SUGT1: variants seen among roughly 807,000 people sequenced by gnomAD.
SUGT1 encodes the protein SGT1 assembly cochaperone of MIS12 kinetochore complex.
A neutral mutation model predicts 56.1 loss-of-function variants in SUGT1; 15 were observed. That is an observed-to-expected ratio of 0.27 (90% CI 0.18 to 0.41). The LOEUF is 0.41. Among genes scored for constraint, SUGT1 ranks in the 10% least tolerant of loss-of-function variants. SUGT1 has a pLI of 1.00. For synonymous variants in SUGT1, 123 were observed against 128.6 expected, an observed-to-expected ratio of 0.96 and a Z score of 0.30; for missense variants, 347 against 382.2, an observed-to-expected ratio of 0.91 and a Z score of 0.77.
intron 2 of SUGT1, among the ~76,000 whole-genome samples, chr13:52,653,618 G>C (rs1407409197): frequency 6.6e-6 from 1 of 152,066 alleles, no homozygotes. Flanking sequence ...GAGTGGCTGT[G>C]TGCAAAGGCG....
intron 11 of SUGT1, among the ~76,000 whole-genome samples, chr13:52,677,620 C>T (rs952052368): frequency 1.1e-4 from 16 of 152,178 alleles, no homozygotes; most frequent in African/African-American, 3.6e-4. Flanking sequence ...TTTGCAGGCT[C>T]AGAAAAGTTA....
intron 6 of SUGT1, 30 bp downstream of exon 6, chr13:52,662,732 A>C (rs1255756150): frequency 1.9e-6 from 3 of 1,598,612 alleles, no homozygotes; most frequent in South Asian, 2.3e-5. Flanking sequence ...TATTTGTTTC[A>C]ATTTAAAAAG....
chr13:52,684,692 A>AT (rs987082716), intron 12 of SUGT1, among the ~76,000 whole-genome samples: 259 of 150,414 alleles, frequency 1.7e-3, no homozygotes, highest in African/African-American at 5.6e-3. Flanking sequence ...TTCTCAGTTA[A>AT]TTTTTTTTTA....
At position 52,696,828 on chromosome 13, in the gene SUGT1, C is replaced by T. The variant is rs1031843420; in HGVS notation, c.*8993C>T. ...TTTAATTTTTAAGTAGGTTTTTAAC[C>T]CACAGCCACGAGAGCTAATTTTAAC... On this transcript the variant is annotated 3_prime_UTR_variant, in exon 13 of 13. Coordinates refer to ENST00000310528, the MANE Select transcript of SUGT1 (RefSeq NM_006704.5). 2 of 151,414 alleles carry T rather than the reference C, an allele frequency of 1.3e-5. No homozygotes were observed. The highest frequency in any genetic ancestry group is 2.4e-5 in the African/African-American group (1 of 41,178). The allele number at this position is 151,414 out of a possible 1,614,324, so 9.4% of individuals were successfully genotyped here.
In SUGT1 at chr13:52,694,418, A is replaced by G. The variant is rs1473229100; in HGVS notation, c.*6583A>G. 6.6e-6 allele frequency: 1 copy of G among 152,246 alleles called. No homozygotes were observed. The allele number at this position is 152,246 out of a possible 1,614,324, so 9.4% of individuals were successfully genotyped here. A position where few individuals can be genotyped will look rare whatever the true frequency, so the allele number is the denominator to read the frequency against. The stretch of plus-strand genomic sequence containing the variant: ...AAGAATTCATGAAAAGTTTTTAATA[A>G]TTTTACTTAAACAGAGCTTAATTAT... On this transcript the variant is annotated 3_prime_UTR_variant, in exon 13 of 13. Coordinates refer to ENST00000310528, the MANE Select transcript of SUGT1 (RefSeq NM_006704.5).
At chr13:52,686,232 G>A (rs1037968657) in intron 12 of SUGT1, among the ~76,000 whole-genome samples, 17 of 152,030 alleles carry the variant, frequency 1.1e-4, no homozygotes, top group African/African-American at 3.6e-4. Context: ...CTGGCCTTGG[G>A]GTAGTTTATT....
intron 11 of SUGT1, among the ~76,000 whole-genome samples, chr13:52,676,967 T>A (rs900890649): frequency 6.6e-6 from 1 of 152,200 alleles, no homozygotes; most frequent in Non-Finnish European, 1.5e-5. Flanking sequence ...CACAGCACAC[T>A]CAGAACTACA....
Position 52,693,370 on chromosome 13 carries a change from T to A in SUGT1, c.*5535T>A, listed in dbSNP as rs904428489. On this transcript the variant is annotated 3_prime_UTR_variant, in exon 13 of 13. Transcript: ENST00000310528. ...TCCTTAATACCTATATAGGGTTTTT[T>A]AAAAAACTGTACCCTATAATGCAGC... is the stretch of plus-strand genomic sequence containing the variant. 2 of 152,228 alleles carry A rather than the reference T, an allele frequency of 1.3e-5. No homozygotes were observed. The highest frequency in any genetic ancestry group is 4.8e-5 in the African/African-American group (2 of 41,460). 9.4% of individuals were successfully genotyped at this position (152,228 alleles called of 1,614,324 possible).
In SUGT1 at chr13:52,696,472, C is replaced by T. The variant is rs1386116494; in HGVS notation, c.*8637C>T. The stretch of plus-strand genomic sequence containing the variant: ...GGTCAGTTAGTGTTATTTACTTAAG[C>T]TTTGGATCTTTGATACATAGCGTAG... On this transcript the variant is annotated 3_prime_UTR_variant, in exon 13 of 13. Coordinates refer to ENST00000310528, the MANE Select transcript of SUGT1 (RefSeq NM_006704.5). 2 of 152,106 alleles carry T rather than the reference C, an allele frequency of 1.3e-5. No individual in the cohort carries two copies. 9.4% of individuals were successfully genotyped at this position (152,106 alleles called of 1,614,324 possible).
intron 10 of SUGT1, among the ~76,000 whole-genome samples, chr13:52,667,252 A>G (rs1962746302): frequency 1.3e-5 from 2 of 152,212 alleles, no homozygotes; most frequent in Admixed American, 1.3e-4. Flanking sequence ...TGAACTTGTC[A>G]GTTTTGTCTG....
At chr13:52,668,438 G>T (rs925341061) in intron 10 of SUGT1, among the ~76,000 whole-genome samples, 1 of 152,212 alleles carries the variant, frequency 6.6e-6, no homozygotes, top group South Asian at 2.1e-4. Context: ...GGACACAGCT[G>T]CAGAGGGTTG....
intron 3 of SUGT1, 101 bp downstream of exon 3, chr13:52,657,723 CT>C: frequency 9.4e-7 from 1 of 1,064,820 alleles, no homozygotes; most frequent in Non-Finnish European, 1.4e-6. Flanking sequence ...TTAAATTGGT[CT>C]TTTATACAAG....
intron 10 of SUGT1, among the ~76,000 whole-genome samples, chr13:52,673,251 TTTTTG>T (rs1963010897): frequency 6.8e-5 from 1 of 14,682 alleles, no homozygotes; most frequent in South Asian, 1.5e-3. Flanking sequence ...ACTTTTTTTT[TTTTTG>T]TGTGGGGGTA....
intron 2 of SUGT1, among the ~76,000 whole-genome samples, chr13:52,655,824 A>G (rs1962139010): frequency 6.6e-6 from 1 of 152,220 alleles, no homozygotes; most frequent in East Asian, 1.9e-4. Flanking sequence ...AGAGAAAACT[A>G]TATGCTGATG....
In SUGT1 at chr13:52,699,575, A is replaced by T. The variant is rs530368655; in HGVS notation, c.*11740A>T. 2 of 152,340 alleles carry T rather than the reference A, an allele frequency of 1.3e-5. No individual in the cohort carries two copies. Among genetic ancestry groups the T allele is most frequent in the East Asian group, 3.9e-4 (2 of 5,186 alleles). 9.4% of individuals were successfully genotyped at this position (152,340 alleles called of 1,614,324 possible). On this transcript the variant is annotated 3_prime_UTR_variant, in exon 13 of 13. Coordinates refer to ENST00000310528, the MANE Select transcript of SUGT1 (RefSeq NM_006704.5). ...CTGCTTAATTTTTTGGAGTTACCTC[A>T]GTAACTTAACAGGCAGGAATATGGT...
rs768356018 is a variant in SUGT1 at position 52,665,749 on chromosome 13, C to A, written c.519+16C>A. 7.8e-6 allele frequency: 12 copies of A among 1,541,444 alleles called. No homozygotes were observed. The highest frequency in any genetic ancestry group is 9.7e-6 in the Non-Finnish European group (11 of 1,135,584). On this transcript the variant is annotated intron_variant, in intron 9 of 12. Coordinates refer to ENST00000310528, the MANE Select transcript of SUGT1 (RefSeq NM_006704.5). ...AGAAAAAGAGGTCAGTAGACTGAAT[C>A]ATTTTTCAATGTTGATTACTATTAT...
chr13:52,699,361 G>C lies in SUGT1; in HGVS notation c.*11526G>C, dbSNP rs1165501418. On this transcript the variant is annotated 3_prime_UTR_variant, in exon 13 of 13. Coordinates refer to ENST00000310528, the MANE Select transcript of SUGT1 (RefSeq NM_006704.5). ...GCTAAGATATTACTAGAACTGAGCA[G>C]AGAAATACTCAGAGAGAGCCATGGC... The C allele has an allele frequency of 6.6e-6, 1 of 152,172 alleles. No homozygotes were observed. The highest frequency in any genetic ancestry group is 1.5e-5 in the Non-Finnish European group (1 of 68,038). The allele number at this position is 152,172 out of a possible 1,614,324, so 9.4% of individuals were successfully genotyped here.
chr13:52,658,350 T>C, intron 3 of SUGT1, 49 bp from the exon 4 acceptor site: 1 of 1,601,528 alleles, frequency 6.2e-7, no homozygotes, highest in Non-Finnish European at 8.5e-7. Flanking sequence ...TGTGTGTATT[T>C]GCTAGGATCT....
At chr13:52,664,121 A>G in intron 8 of SUGT1, 64 bp downstream of exon 8, 1 of 1,479,214 alleles carries the variant, frequency 6.8e-7, no homozygotes, top group South Asian at 1.2e-5. Context: ...GAAACCCTGT[A>G]GTTTAATAGT....
Sources: allele counts gnomAD v4.1 joint callset (sites outside exome capture counted in the v4.1 genomes callset), GRCh38; gene constraint gnomAD v4.1.1; transcripts MANE v1.5; gene names NCBI Gene and HGNC (gene_info 2026-07-23, HGNC 2026-07-21).